The following TAF1B variants were observed in gnomAD, a reference collection of about 807,000 sequenced individuals.
TAF1B encodes the protein TATA-box binding protein associated factor, RNA polymerase I subunit B, also known as TATA box-binding protein-associated factor RNA polymerase I subunit B.
In TAF1B, 61 loss-of-function variants were observed where a neutral mutation model predicts 83.9. That is an observed-to-expected ratio of 0.73 (90% CI 0.59 to 0.90). The LOEUF is 0.90. Among genes scored for constraint, TAF1B ranks in the 40% least tolerant of loss-of-function variants. The probability of loss-of-function intolerance (pLI) is 0.00; values close to 1 mark genes in which losing one functional copy is unlikely to be tolerated. For missense variants in TAF1B, 625 were observed against 677.0 expected, an observed-to-expected ratio of 0.92 and a Z score of 0.85; for synonymous variants, 221 against 224.6, an observed-to-expected ratio of 0.98 and a Z score of 0.14.
chr2:9,918,965 C>A, intron 12 of TAF1B, 76 bp from the exon 13 acceptor site: 2 of 1,241,048 alleles, frequency 1.6e-6, no homozygotes, highest in South Asian at 1.2e-5. Flanking sequence ...TCAGAAATCT[C>A]AGATAGTGCT....
intron 12 of TAF1B, among the ~76,000 whole-genome samples, chr2:9,917,478 A>G (rs1665716665): frequency 1.2e-5 from 1 of 80,892 alleles, no homozygotes; most frequent in African/African-American, 3.1e-5. Context: ...TTTCTTGAGT[A>G]TCTACTAGCC....
At chr2:9,889,865 G>C (rs946270823) in intron 8 of TAF1B, among the ~76,000 whole-genome samples, 2 of 152,126 alleles carry the variant, frequency 1.3e-5, no homozygotes, top group Non-Finnish European at 2.9e-5. Context: ...CTGGTATTAC[G>C]AAGTCTCTGC....
chr2:9,856,362 T>C (rs2125138134), intron 5 of TAF1B, among the ~76,000 whole-genome samples: 1 of 150,166 alleles, frequency 6.7e-6, no homozygotes, highest in East Asian at 1.9e-4. Flanking sequence ...TGTTTTAAAA[T>C]ATGAGATAAT....
At chr2:9,850,655 A>G (rs1278235638) in intron 3 of TAF1B, among the ~76,000 whole-genome samples, 1 of 152,144 alleles carries the variant, frequency 6.6e-6, no homozygotes, top group Non-Finnish European at 1.5e-5. Flanking sequence ...CACACCTCAG[A>G]AGCTCTGTGT....
At chr2:9,906,088 A>G (rs946272312) in intron 9 of TAF1B, among the ~76,000 whole-genome samples, 1 of 152,056 alleles carries the variant, frequency 6.6e-6, no homozygotes, top group African/African-American at 2.4e-5. Context: ...AAGTGTGGAA[A>G]GTTCCTGTAT....
intron 5 of TAF1B, among the ~76,000 whole-genome samples, chr2:9,860,548 C>T (rs1261962912): frequency 1.3e-5 from 2 of 152,140 alleles, no homozygotes; most frequent in Non-Finnish European, 2.9e-5. Context: ...GACCGGATGA[C>T]ATCACCAAGG....
In TAF1B at chr2:9,845,347, G is replaced by A. The variant is rs752331116; in HGVS notation, c.117+29G>A. 3.8e-6 allele frequency: 6 copies of A among 1,596,030 alleles called. No individual in the cohort carries two copies. The South Asian group carries it at 6.6e-5, about 18-fold the overall frequency. On this transcript the variant is annotated intron_variant, in intron 2 of 14. Transcript: ENST00000263663. ...AGTAACAAATATCATTTATGAATTT[G>A]CTTATGTTTTAAAAATTGCCATTTC...
chr2:9,920,645 GT>G (rs927462025), intron 14 of TAF1B, among the ~76,000 whole-genome samples: 4 of 151,970 alleles, frequency 2.6e-5, no homozygotes, highest in Non-Finnish European at 5.9e-5. Flanking sequence ...GTGCTGTGTC[GT>G]TTTTCCACAG....
intron 8 of TAF1B, among the ~76,000 whole-genome samples, chr2:9,898,412 AT>A (rs1482324159): frequency 6.6e-6 from 1 of 152,212 alleles, no homozygotes; most frequent in Non-Finnish European, 1.5e-5. Flanking sequence ...TCCACAGAAG[AT>A]TTGAGGTAGA....
At chr2:9,888,136 G>GT (rs1181230249) in intron 8 of TAF1B, among the ~76,000 whole-genome samples, 1 of 151,970 alleles carries the variant, frequency 6.6e-6, no homozygotes, top group East Asian at 1.9e-4. Context: ...ACCTCTCTGT[G>GT]TTTTTTTGTG....
chr2:9,858,014 C>CA (rs1663621238), intron 5 of TAF1B, among the ~76,000 whole-genome samples: 1 of 152,210 alleles, frequency 6.6e-6, no homozygotes, highest in South Asian at 2.1e-4. Context: ...GCCTTCCCAA[C>CA]AGTCTACCAA....
intron 6 of TAF1B, among the ~76,000 whole-genome samples, chr2:9,874,999 T>C (rs997073708): frequency 6.6e-6 from 1 of 152,040 alleles, no homozygotes; most frequent in Admixed American, 6.6e-5. Context: ...AGTCTTGCTC[T>C]GTTACCCAGG....
intron 6 of TAF1B, 51 bp downstream of exon 6, chr2:9,868,480 A>C: frequency 6.3e-7 from 1 of 1,575,776 alleles, no homozygotes; most frequent in East Asian, 2.2e-5. Context: ...TATGCCCCTT[A>C]AAAATAATTT....
chr2:9,864,270 C>T (rs1051290067), intron 5 of TAF1B, among the ~76,000 whole-genome samples: 20 of 142,396 alleles, frequency 1.4e-4, no homozygotes, highest in African/African-American at 4.7e-4. Context: ...GGGAATATCA[C>T]CACCGATCCC....
intron 8 of TAF1B, among the ~76,000 whole-genome samples, chr2:9,887,965 G>A (rs1407354018): frequency 6.6e-6 from 1 of 152,018 alleles, no homozygotes; most frequent in Non-Finnish European, 1.5e-5. Flanking sequence ...CAATCCTTTT[G>A]CCTCAGCCTC....
In TAF1B at chr2:9,843,533, G is replaced by A. The variant is rs11540129; in HGVS notation, c.-9G>A. 1.3e-6 allele frequency: 2 copies of A among 1,523,538 alleles called. No homozygotes were observed. Among genetic ancestry groups the A allele is most frequent in the Non-Finnish European group, 1.8e-6 (2 of 1,132,714 alleles). 94.4% of individuals were successfully genotyped at this position (1,523,538 alleles called of 1,614,324 possible). On this transcript the variant is annotated 5_prime_UTR_variant, in exon 1 of 15. Coordinates refer to ENST00000263663, the MANE Select transcript of TAF1B (RefSeq NM_005680.3). ...GGGTCCCGGCTGTGGAAGCTCCCGC[G>A]GCGCCGCGATGGACCTCGAGGAGGC... is the stretch of plus-strand genomic sequence containing the variant.
chr2:9,889,492 T>A (rs1489302377), intron 8 of TAF1B, among the ~76,000 whole-genome samples: 3 of 152,168 alleles, frequency 2.0e-5, no homozygotes, highest in African/African-American at 7.2e-5. Flanking sequence ...TGTTTTCTTT[T>A]ATATTCTTGG....
intron 8 of TAF1B, among the ~76,000 whole-genome samples, chr2:9,903,241 A>T (rs901759079): frequency 6.6e-6 from 1 of 151,972 alleles, no homozygotes; most frequent in African/African-American, 2.4e-5. Flanking sequence ...GCCCGCCACC[A>T]TGCCCGGTTA....
In TAF1B at chr2:9,934,048, A is replaced by G. The variant is rs878985262; in HGVS notation, c.*64A>G. 26 of 1,294,998 alleles carry G rather than the reference A, an allele frequency of 2.0e-5. No individual in the cohort carries two copies. In the South Asian group the frequency reaches 3.1e-4, roughly 15 times the overall value. 80.2% of individuals were successfully genotyped at this position (1,294,998 alleles called of 1,614,324 possible). ...AGTGATAATAACATCAGATTTTAAT[A>G]TAACATTCCAGAGAATTGTGGAAAA... is the stretch of plus-strand genomic sequence containing the variant. On this transcript the variant is annotated 3_prime_UTR_variant, in exon 15 of 15. Coordinates refer to ENST00000263663, the MANE Select transcript of TAF1B (RefSeq NM_005680.3).
Sources: gnomAD v4.1 joint callset for allele counts (sites outside exome capture counted in the v4.1 genomes callset) on GRCh38, gnomAD v4.1.1 for gene constraint, MANE v1.5 for transcripts, NCBI Gene and HGNC (gene_info 2026-07-23, HGNC 2026-07-21) for gene names.